MCRIP1: variants seen among roughly 807,000 people sequenced by gnomAD.
MCRIP1 encodes MAPK regulated corepressor interacting protein 1, also known as mapk-regulated corepressor-interacting protein 1.
A neutral mutation model predicts 14.4 loss-of-function variants in MCRIP1; 10 were observed. That is an observed-to-expected ratio of 0.70 (90% CI 0.43 to 1.18). The LOEUF is 1.18. Ranked by LOEUF, MCRIP1 falls within the 50% of genes most tolerant of loss-of-function variation. MCRIP1 has a pLI of 0.00. For missense variants in MCRIP1, 119 were observed against 135.4 expected, an observed-to-expected ratio of 0.88 and a Z score of 0.60; for synonymous variants, 53 against 55.7, an observed-to-expected ratio of 0.95 and a Z score of 0.21.
chr17:81,830,633 A>G (rs35922845), intron 1 of MCRIP1, among the ~76,000 whole-genome samples: 34,602 of 151,884 alleles, frequency 0.23, 4,473 homozygotes, highest in African/African-American at 0.35. Context: ...GTGAGACTTC[A>G]TCTCAAAAAA....
intron 1 of MCRIP1, chr17:81,826,298 C>T (rs2038394820): frequency 6.5e-7 from 1 of 1,535,228 alleles, no homozygotes; most frequent in Middle Eastern, 1.7e-4. Flanking sequence ...ACATCTGCCA[C>T]ACACATGCAT....
At chr17:81,832,642 GAGA>G (rs1004403857) in intron 1 of MCRIP1, among the ~76,000 whole-genome samples, 8 of 152,260 alleles carry the variant, frequency 5.3e-5, no homozygotes, top group Non-Finnish European at 8.8e-5. Context: ...GCAGGAGGGA[GAGA>G]AGCACAGCCC....
chr17:81,826,385 G>A, intron 1 of MCRIP1: 1 of 1,535,498 alleles, frequency 6.5e-7, no homozygotes, highest in Non-Finnish European at 8.7e-7. Context: ...CACACCTGGT[G>A]TGGCAGCATG....
Position 81,823,579 on chromosome 17 carries a change from A to T in MCRIP1, c.128-66T>A, listed in dbSNP as rs2038319800. The T allele has an allele frequency of 1.6e-5, 21 of 1,341,252 alleles. No homozygotes were observed. In the East Asian group the frequency reaches 1.8e-4, roughly 11 times the overall value. The allele number at this position is 1,341,252 out of a possible 1,614,324, so 83.1% of individuals were successfully genotyped here. On this transcript the variant is annotated intron_variant, in intron 3 of 4. Coordinates refer to ENST00000455127, the MANE Select transcript of MCRIP1 (RefSeq NM_207368.5). The surrounding 1 kb of genome is among the most constrained non-coding windows in gnomAD (Gnocchi z 6.0). ...CAGGGGGTGGCATCCACGTCACGAG[A>T]GTGCCTGCCCTCAGCTCCTGCCCTC...
chr17:81,827,034 C>T (rs1225073215), intron 1 of MCRIP1, among the ~76,000 whole-genome samples: 1 of 149,178 alleles, frequency 6.7e-6, no homozygotes, highest in African/African-American at 2.5e-5. Flanking sequence ...AGGAGAAGTG[C>T]TTGAACCTGG....
In MCRIP1 at chr17:81,824,775, A is replaced by G. The variant is rs1013869647; in HGVS notation, c.-48-221T>C. ...TAGCAGAGAGCTGGCCAGACGAGCC[A>G]GACACACACACAACTTGAAGCGATC... On this transcript the variant is annotated intron_variant, in intron 1 of 4. Coordinates refer to ENST00000455127, the MANE Select transcript of MCRIP1 (RefSeq NM_207368.5). The G allele has an allele frequency of 1.8e-5, 25 of 1,419,322 alleles. No homozygotes were observed. In the African/African-American group the frequency reaches 2.7e-4, roughly 16 times the overall value. 87.9% of individuals were successfully genotyped at this position (1,419,322 alleles called of 1,614,324 possible). A position where few individuals can be genotyped will look rare whatever the true frequency, so the allele number is the denominator to read the frequency against.
At chr17:81,827,303 G>A (rs1224994456) in intron 1 of MCRIP1, among the ~76,000 whole-genome samples, 2 of 151,232 alleles carry the variant, frequency 1.3e-5, no homozygotes, top group Non-Finnish European at 2.9e-5. Flanking sequence ...ATGGAGTCTC[G>A]CTCTGCTGCC....
chr17:81,826,320 C>A, intron 1 of MCRIP1: 1 of 1,535,628 alleles, frequency 6.5e-7, no homozygotes, highest in South Asian at 1.2e-5. Context: ...CAACCGCCCG[C>A]ACACACCTGT....
chr17:81,824,441 C>A, intron 2 of MCRIP1, 36 bp from the exon 3 acceptor site: 1 of 1,534,038 alleles, frequency 6.5e-7, no homozygotes, highest in South Asian at 1.2e-5. Flanking sequence ...GGGCACACAG[C>A]AGGGTGGGAG....
intron 1 of MCRIP1, among the ~76,000 whole-genome samples, chr17:81,832,860 G>T (rs374606890): frequency 1.3e-5 from 2 of 152,210 alleles, no homozygotes; most frequent in East Asian, 1.9e-4. Flanking sequence ...CCTCAGGCAC[G>T]GTCCCTCCAG....
chr17:81,824,903 CTGGTGGGG>C, intron 1 of MCRIP1: 1 of 1,189,940 alleles, frequency 8.4e-7, no homozygotes, highest in Admixed American at 4.2e-5. Flanking sequence ...CCCACGTGGG[CTGGTGGGG>C]CCGTCAGCAT....
intron 1 of MCRIP1, among the ~76,000 whole-genome samples, chr17:81,827,262 T>TTTTATTTA (rs555491860): frequency 1.3e-5 from 2 of 151,788 alleles, no homozygotes; most frequent in African/African-American, 4.8e-5. Context: ...ATCCCATTTC[T>TTTTATTTA]TTTATTTATT....
chr17:81,827,121 GA>G (rs1251478457), intron 1 of MCRIP1, among the ~76,000 whole-genome samples: 8,791 of 113,212 alleles, frequency 0.078, 365 homozygotes, highest in Non-Finnish European at 0.11. Context: ...CCGTCTAAAA[GA>G]AAAAAAAAAA....
chr17:81,826,169 G>T, intron 1 of MCRIP1: 1 of 1,498,360 alleles, frequency 6.7e-7, no homozygotes, highest in Non-Finnish European at 8.9e-7. Flanking sequence ...AGATCCCACT[G>T]ATTGCCCCAC....
At chr17:81,826,193 A>G in intron 1 of MCRIP1, 1 of 1,512,060 alleles carries the variant, frequency 6.6e-7, no homozygotes, top group Non-Finnish European at 8.8e-7. Context: ...CTCCCAAGCA[A>G]CTACCCTTCC....
Position 81,833,230 on chromosome 17 carries a change from C to A in MCRIP1, c.-49+8G>T. ...CGTCCCCGCCGCCCGGCGCCGCACCCGCCTCACCTCGCCCCGACCCGCCGC... is the reference window on the plus strand; with the variant it reads ...CGTCCCCGCCGCCCGGCGCCGCACCAGCCTCACCTCGCCCCGACCCGCCGC... On this transcript the variant is annotated splice_region_variant and intron_variant, in intron 1 of 4. Transcript: ENST00000455127. 1 of 149,984 alleles carries A rather than the reference C, an allele frequency of 6.7e-6. No individual in the cohort carries two copies. Among genetic ancestry groups the A allele is most frequent in the Non-Finnish European group, 1.5e-5 (1 of 67,306 alleles). The allele number at this position is 149,984 out of a possible 1,614,324, so 9.3% of individuals were successfully genotyped here.
Position 81,824,387 on chromosome 17 carries a change from G to A in MCRIP1, c.27C>T (p.Val9=), listed in dbSNP as rs1343410339. MTSSPVSR[V]VYNGKRTSSP... ...TGCTGGTCCTCTTGCCGTTGTACAC[G>A]ACTCTGGAGACGGGGGAGCTGGGGG... is the stretch of plus-strand genomic sequence containing the variant. Residue 9 remains valine, a synonymous_variant, in exon 3 of 5, where the codon GTC becomes GTT. Transcript: ENST00000455127. The A allele has an allele frequency of 3.9e-6, 6 of 1,535,002 alleles. No individual in the cohort carries two copies. Among genetic ancestry groups the A allele is most frequent in the South Asian group, 1.2e-5 (1 of 84,016 alleles).
chr17:81,825,863 A>C, intron 1 of MCRIP1: 1 of 1,289,978 alleles, frequency 7.8e-7, no homozygotes, highest in Non-Finnish European at 1.0e-6. Context: ...CAGAGCACGG[A>C]GGGAAAGGCC....
At chr17:81,827,951 T>C (rs2038443926) in intron 1 of MCRIP1, among the ~76,000 whole-genome samples, 1 of 151,606 alleles carries the variant, frequency 6.6e-6, no homozygotes, top group Admixed American at 6.6e-5. Flanking sequence ...CAGCTAATTT[T>C]TTCTATTTTT....
Sources: allele counts gnomAD v4.1 joint callset (sites outside exome capture counted in the v4.1 genomes callset), GRCh38; gene constraint gnomAD v4.1.1; non-coding constraint Gnocchi (gnomAD v3.1); transcripts MANE v1.5; gene names NCBI Gene and HGNC (gene_info 2026-07-23, HGNC 2026-07-21).